Variants in WWP2 observed in about 807,000 individuals in gnomAD.
The protein encoded by WWP2 is NEDD4-like E3 ubiquitin-protein ligase WWP2.
Under a neutral mutation model 121.0 loss-of-function variants are expected in WWP2, and 57 were observed. The ratio of observed to expected loss-of-function variants is 0.47; its 90% confidence interval spans 0.38 to 0.59. The LOEUF is 0.59. Ranked by LOEUF, WWP2 falls within the 20% of genes least tolerant of loss-of-function variation. The pLI, the probability that WWP2 is intolerant of heterozygous loss-of-function variation, is 0.00. For synonymous variants in WWP2, 449 were observed against 441.3 expected (o/e 1.02, Z -0.22); for missense variants, 962 against 1,158.9 (o/e 0.83, Z 2.47).
chr16:69,824,767 C>CTTT (rs34154307), intron 4 of WWP2, among the ~76,000 whole-genome samples: 10 of 82,786 alleles, frequency 1.2e-4, no homozygotes, highest in East Asian at 4.0e-4. Flanking sequence ...GCACCTGTGG[C>CTTT]TTTTTTTTTT....
chr16:69,898,096 C>T (rs2058138209), intron 8 of WWP2, among the ~76,000 whole-genome samples: 1 of 142,062 alleles, frequency 7.0e-6, no homozygotes, highest in South Asian at 2.3e-4. Context: ...GGCACAATCT[C>T]GGCTCACTGC....
chr16:69,858,124 A>T (rs1022083926), intron 6 of WWP2, among the ~76,000 whole-genome samples: 1 of 152,146 alleles, frequency 6.6e-6, no homozygotes, highest in African/African-American at 2.4e-5. Flanking sequence ...CAGTAAAAAA[A>T]AAAAGTTTTC....
At chr16:69,841,820 C>T (rs1279667401) in intron 5 of WWP2, among the ~76,000 whole-genome samples, 1 of 152,096 alleles carries the variant, frequency 6.6e-6, no homozygotes, top group Non-Finnish European at 1.5e-5. Context: ...AGGTTTGAGC[C>T]CCACTGCTCC....
intron 2 of WWP2, 101 bp downstream of exon 2, chr16:69,787,181 T>G: frequency 1.2e-6 from 1 of 809,184 alleles, no homozygotes; most frequent in Non-Finnish European, 1.9e-6. Flanking sequence ...TGAAATAGTT[T>G]ACATGTGTTA....
At chr16:69,931,017 A>ATGAC (rs2058702474) in intron 13 of WWP2, 135 bp from the exon 14 acceptor site, 1 of 796,098 alleles carries the variant, frequency 1.3e-6, no homozygotes, top group South Asian at 1.8e-5. Flanking sequence ...AAGGATCTTA[A>ATGAC]TGACAGTCAC....
chr16:69,830,129 AT>A (rs1431627659), intron 4 of WWP2, among the ~76,000 whole-genome samples: 2 of 151,956 alleles, frequency 1.3e-5, no homozygotes, highest in African/African-American at 4.8e-5. Flanking sequence ...TAGTTTTTGT[AT>A]TTTTAGTAGA....
At chr16:69,824,332 GGT>G (rs919503744) in intron 4 of WWP2, among the ~76,000 whole-genome samples, 59 of 152,312 alleles carry the variant, frequency 3.9e-4, no homozygotes, top group Non-Finnish European at 2.8e-4. Flanking sequence ...CAAAAGGGAA[GGT>G]AATCCTGGAC....
At chr16:69,920,014 T>C (rs548832255) in intron 10 of WWP2, among the ~76,000 whole-genome samples, 1 of 151,832 alleles carries the variant, frequency 6.6e-6, no homozygotes, top group Non-Finnish European at 1.5e-5. Context: ...AGGCTGGTCT[T>C]GAACTCCTGG....
Position 69,817,389 on chromosome 16 carries a change from C to T in WWP2, c.340+18094C>T, listed in dbSNP as rs1372002551. Among the ~76,000 whole-genome samples the T allele has an allele frequency of 2.6e-5, 4 of 152,116 alleles. No homozygotes were observed. In the South Asian group the frequency reaches 8.3e-4, roughly 31 times the overall value. ...TTAGCCTCCCGAATAGTTGGGATTA[C>T]AGATGTGCACCACCATGCTCAGCTA... On this transcript the variant is annotated intron_variant, in intron 4 of 23. Transcript: ENST00000359154.
intron 1 of WWP2, among the ~76,000 whole-genome samples, chr16:69,768,777 C>G (rs935093143): frequency 6.6e-6 from 1 of 152,168 alleles, no homozygotes; most frequent in African/African-American, 2.4e-5. Flanking sequence ...CACGGGGCTT[C>G]CAATAGTGTA....
At chr16:69,910,310 T>C (rs2058360185) in intron 9 of WWP2, 1 of 938,264 alleles carries the variant, frequency 1.1e-6, no homozygotes. Flanking sequence ...TCTATAATTG[T>C]GTCACAAATT....
At position 69,820,641 on chromosome 16, in the gene WWP2, C is replaced by T. The variant is rs905911324; in HGVS notation, c.341-19485C>T. On this transcript the variant is annotated intron_variant, in intron 4 of 23. Transcript: ENST00000359154. ...ATTGTGACTACTCCTCCCCAGCATTCCCTGTTTCTCTTCTCTGCTTTATTT... is the reference window on the plus strand; with the variant it reads ...ATTGTGACTACTCCTCCCCAGCATTTCCTGTTTCTCTTCTCTGCTTTATTT... Among the ~76,000 whole-genome samples, 12 of 131,966 alleles carry T rather than the reference C, an allele frequency of 9.1e-5. 4 individuals carry two copies. Among genetic ancestry groups the T allele is most frequent in the Non-Finnish European group, 2.1e-4 (12 of 57,390 alleles). The allele number at this position is 131,966 out of a possible 152,430, so 86.6% of individuals were successfully genotyped here.
At chr16:69,932,964 C>G in intron 16 of WWP2, 1 of 464,098 alleles carries the variant, frequency 2.2e-6, no homozygotes, top group Non-Finnish European at 4.4e-6. Flanking sequence ...TTCTGGTCCT[C>G]TGTTCGGTGG....
intron 6 of WWP2, among the ~76,000 whole-genome samples, chr16:69,864,416 GCA>G (rs2057481418): frequency 6.6e-6 from 1 of 152,182 alleles, no homozygotes; most frequent in African/African-American, 2.4e-5. Context: ...TGCATGCCAA[GCA>G]TATATTTAAC....
chr16:69,783,780 T>TACAACA (rs55923742), intron 1 of WWP2, among the ~76,000 whole-genome samples: 68 of 149,828 alleles, frequency 4.5e-4, no homozygotes, highest in African/African-American at 6.9e-4. Flanking sequence ...ACCTTGTTTC[T>TACAACA]ACAACAACAA....
At chr16:69,851,177 ATT>A (rs34470069) in intron 6 of WWP2, among the ~76,000 whole-genome samples, 1 of 145,000 alleles carries the variant, frequency 6.9e-6, no homozygotes, top group Non-Finnish European at 1.5e-5. Flanking sequence ...TGCCCAGCTA[ATT>A]TTTTTTTTTT....
chr16:69,881,748 A>G (rs555779591), intron 7 of WWP2, among the ~76,000 whole-genome samples: 24 of 152,124 alleles, frequency 1.6e-4, no homozygotes, highest in Non-Finnish European at 2.9e-4. Flanking sequence ...CTGGAGTGCA[A>G]TGGCATGCTC....
chr16:69,838,958 G>A (rs1016506613), intron 4 of WWP2: 8 of 948,772 alleles, frequency 8.4e-6, no homozygotes, highest in African/African-American at 5.4e-5. Flanking sequence ...AGTTCTTAAA[G>A]GGTTGTATCT....
intron 8 of WWP2, among the ~76,000 whole-genome samples, chr16:69,907,335 C>T (rs1327293143): frequency 2.0e-5 from 3 of 152,260 alleles, no homozygotes; most frequent in African/African-American, 7.2e-5. Context: ...CACGCATAAG[C>T]AAATAGAATT....
Sources: allele counts gnomAD v4.1 joint callset (sites outside exome capture counted in the v4.1 genomes callset), GRCh38; gene constraint gnomAD v4.1.1; transcripts MANE v1.5; gene names NCBI Gene and HGNC (gene_info 2026-07-23, HGNC 2026-07-21).